The following CSMD3 variants were observed in gnomAD, a reference collection of about 807,000 sequenced individuals.
CSMD3 encodes CUB and sushi domain-containing protein 3.
Under a neutral mutation model 435.2 loss-of-function variants are expected in CSMD3, and 177 were observed. The ratio of observed to expected loss-of-function variants is 0.41; its 90% CI spans 0.36 to 0.46. The LOEUF is 0.46. CSMD3 is among the 20% of genes least tolerant of loss of function. The pLI, the probability that CSMD3 is intolerant of heterozygous loss-of-function variation, is 0.34. For missense variants in CSMD3, 4,265 were observed against 4,504.6 expected (o/e 0.95, Z 1.52); for synonymous variants, 1,656 against 1,520.5 (o/e 1.09, Z -2.07).
chr8:112,635,677 T>G (rs2131576077), intron 22 of CSMD3, among the ~76,000 whole-genome samples: 1 of 152,232 alleles, frequency 6.6e-6, no homozygotes, highest in South Asian at 2.1e-4. Context: ...GAAAACAATC[T>G]CATTACAATA....
intron 6 of CSMD3, among the ~76,000 whole-genome samples, chr8:112,987,018 C>A (rs1181723288): frequency 3.3e-5 from 5 of 151,944 alleles, no homozygotes; most frequent in Admixed American, 3.3e-4. Context: ...ATATCTATAA[C>A]TATGTGGAGA....
At chr8:112,838,294 C>T (rs1010500620) in intron 11 of CSMD3, among the ~76,000 whole-genome samples, 2 of 151,838 alleles carry the variant, frequency 1.3e-5, no homozygotes, top group East Asian at 1.9e-4. Flanking sequence ...GGAACACTAG[C>T]GATGAAGGCA....
chr8:112,499,533 T>C (rs911906410), intron 30 of CSMD3, among the ~76,000 whole-genome samples: 5 of 152,146 alleles, frequency 3.3e-5, no homozygotes, highest in African/African-American at 1.2e-4. Flanking sequence ...ATATTAACGA[T>C]ATAATAGACC....
chr8:112,234,504 T>C (rs771858051), intron 67 of CSMD3, 27 bp from the exon 68 acceptor site: 5 of 1,239,978 alleles, frequency 4.0e-6, no homozygotes, highest in Admixed American at 1.7e-5. Flanking sequence ...CATTTTAGTC[T>C]ACTTAACTTT....
At chr8:112,475,646 T>C (rs966231462) in intron 31 of CSMD3, among the ~76,000 whole-genome samples, 2 of 152,030 alleles carry the variant, frequency 1.3e-5, no homozygotes, top group Non-Finnish European at 2.9e-5. Context: ...TTACTGTTAA[T>C]GGCAAAAACT....
chr8:112,614,519 TC>T (rs1281819709), intron 22 of CSMD3, among the ~76,000 whole-genome samples: 1 of 151,838 alleles, frequency 6.6e-6, no homozygotes, highest in Non-Finnish European at 1.5e-5. Flanking sequence ...ACTTTCAATG[TC>T]CCCCACTCCC....
At chr8:113,373,008 T>A (rs1260715087) in intron 1 of CSMD3, among the ~76,000 whole-genome samples, 2 of 151,540 alleles carry the variant, frequency 1.3e-5, no homozygotes, top group Admixed American at 1.3e-4. Context: ...AATTTAGAAA[T>A]GTATTATGCT....
intron 24 of CSMD3, among the ~76,000 whole-genome samples, chr8:112,562,227 T>C (rs2131254047): frequency 6.6e-6 from 1 of 151,806 alleles, no homozygotes; most frequent in South Asian, 2.1e-4. Flanking sequence ...TAACTATGTA[T>C]TCACATAGGG....
intron 1 of CSMD3, among the ~76,000 whole-genome samples, chr8:113,419,836 C>A (rs1416134250): frequency 1.3e-5 from 2 of 151,866 alleles, no homozygotes; most frequent in East Asian, 3.9e-4. Context: ...ATGTAGAGAT[C>A]ATCATTTAAC....
intron 10 of CSMD3, among the ~76,000 whole-genome samples, chr8:112,920,997 GCA>G (rs747366512): frequency 0.24 from 27,751 of 114,344 alleles, 3,399 homozygotes; most frequent in African/African-American, 0.39. Context: ...ACGCGCGCGC[GCA>G]CACACACACA....
intron 63 of CSMD3, 110 bp from the exon 64 acceptor site, chr8:112,247,241 T>G: frequency 5.8e-6 from 4 of 694,408 alleles, no homozygotes; most frequent in Non-Finnish European, 7.6e-6. Context: ...TATGGTAAAG[T>G]TGGAAGAAAA....
intron 3 of CSMD3, among the ~76,000 whole-genome samples, chr8:113,211,606 T>A (rs2092835531): frequency 6.6e-6 from 1 of 152,074 alleles, no homozygotes; most frequent in Admixed American, 6.6e-5. Flanking sequence ...GGAGAACCGC[T>A]TGAACCCAGG....
chr8:112,815,770 C>T (rs191401610), intron 12 of CSMD3, among the ~76,000 whole-genome samples: 43 of 152,178 alleles, frequency 2.8e-4, no homozygotes, highest in African/African-American at 9.4e-4. Context: ...AGTTTTTTAA[C>T]ATTAGACATA....
intron 59 of CSMD3, among the ~76,000 whole-genome samples, chr8:112,266,777 A>G (rs916562841): frequency 1.1e-4 from 17 of 152,236 alleles, no homozygotes; most frequent in African/African-American, 4.1e-4. Flanking sequence ...TACAAAGATT[A>G]TATATGTCAC....
chr8:113,103,336 AAAGTTTGT>A (rs1252657308), intron 4 of CSMD3, among the ~76,000 whole-genome samples: 2 of 152,170 alleles, frequency 1.3e-5, no homozygotes. Context: ...GGAAAAGTAT[AAAGTTTGT>A]AAGATTTAAA....
chr8:113,001,479 T>C (rs1198106460), intron 6 of CSMD3, among the ~76,000 whole-genome samples: 1 of 152,112 alleles, frequency 6.6e-6, no homozygotes, highest in Non-Finnish European at 1.5e-5. Context: ...AATCTTCTCA[T>C]GCCAAACTTA....
chr8:112,431,451 A>C (rs971654596), intron 32 of CSMD3, among the ~76,000 whole-genome samples: 5 of 152,116 alleles, frequency 3.3e-5, no homozygotes, highest in African/African-American at 1.2e-4. Flanking sequence ...TGTATTTTAT[A>C]CATAAAACAT....
intron 9 of CSMD3, among the ~76,000 whole-genome samples, chr8:112,939,528 A>T (rs2083385867): frequency 1.3e-5 from 2 of 152,102 alleles, no homozygotes; most frequent in Admixed American, 6.6e-5. Context: ...CAAGTCAAGT[A>T]AAAAGAGCAA....
At chr8:113,217,050 C>T (rs150039104) in intron 3 of CSMD3, among the ~76,000 whole-genome samples, 1,831 of 151,712 alleles carry the variant, frequency 0.012, 28 homozygotes, top group Non-Finnish European at 0.02. Context: ...TAAACTTCAC[C>T]GATTCTTTTA....
Sources: allele counts gnomAD v4.1 joint callset (sites outside exome capture counted in the v4.1 genomes callset), GRCh38; gene constraint gnomAD v4.1.1; transcripts MANE v1.5; gene names NCBI Gene and HGNC (gene_info 2026-07-23, HGNC 2026-07-21).